GGACT: variants seen among roughly 807,000 people sequenced by gnomAD.
GGACT encodes the protein gamma-glutamylaminecyclotransferase.
For synonymous variants in GGACT, 118 were observed against 115.3 expected (o/e 1.02, Z -0.15); for missense variants, 241 against 233.2 (o/e 1.03, Z -0.22).
At chr13:100,550,158 G>A (rs1032042493) in intron 2 of GGACT, among the ~76,000 whole-genome samples, 2 of 152,154 alleles carry the variant, frequency 1.3e-5, no homozygotes, top group Non-Finnish European at 2.9e-5. Flanking sequence ...GAACGTGAAC[G>A]CACGGCCGGC....
chr13:100,550,618 A>ATACT (rs995377305), intron 2 of GGACT, among the ~76,000 whole-genome samples: 7 of 152,202 alleles, frequency 4.6e-5, no homozygotes, highest in African/African-American at 1.7e-4. Flanking sequence ...ATTTGGGTAT[A>ATACT]TACTTGGCTT....
At chr13:100,540,125 G>A (rs1260538673) in intron 2 of GGACT, 7 of 1,586,534 alleles carry the variant, frequency 4.4e-6, no homozygotes, top group Middle Eastern at 3.5e-4. Context: ...ACTATGTTTC[G>A]AATGACGAAT....
intron 2 of GGACT, among the ~76,000 whole-genome samples, chr13:100,569,458 G>C (rs1875013424): frequency 6.6e-6 from 1 of 152,220 alleles, no homozygotes; most frequent in African/African-American, 2.4e-5. Flanking sequence ...GACCCTTTTA[G>C]CCACAGCTGG....
At chr13:100,580,533 T>C (rs546226953) in intron 2 of GGACT, among the ~76,000 whole-genome samples, 2 of 152,360 alleles carry the variant, frequency 1.3e-5, no homozygotes, top group East Asian at 1.9e-4. Context: ...TTTTGGATTC[T>C]GTGAGCAGAG....
rs186773308 is a variant in GGACT, at chr13:100,570,821, G to C, written c.-11+13004C>G. On this transcript the variant is annotated intron_variant, in intron 2 of 2. Coordinates refer to ENST00000683975, the MANE Select transcript of GGACT (RefSeq NM_001195087.2). ...TAATACAGTAAATTTGTACCACAGA[G>C]ACTGGGGTGCTGCTATAAGGATACC... 1.8e-4 allele frequency among the ~76,000 whole-genome samples: 27 copies of C among 152,242 alleles called. No individual in the cohort carries two copies. In the East Asian group the frequency reaches 5.0e-3, roughly 28 times the overall value.
chr13:100,552,394 A>AC (rs538924773), intron 2 of GGACT, among the ~76,000 whole-genome samples: 8 of 152,080 alleles, frequency 5.3e-5, no homozygotes, highest in Non-Finnish European at 1.0e-4. Flanking sequence ...TCTACACGCC[A>AC]CCCCCCAACA....
intron 2 of GGACT, among the ~76,000 whole-genome samples, chr13:100,579,670 G>A (rs760951598): frequency 4.6e-5 from 7 of 152,056 alleles, no homozygotes; most frequent in Non-Finnish European, 1.0e-4. Context: ...TTCCCTACTC[G>A]GTCTATTTCC....
intron 2 of GGACT, among the ~76,000 whole-genome samples, chr13:100,580,755 T>C (rs1168259108): frequency 6.6e-6 from 1 of 152,090 alleles, no homozygotes; most frequent in African/African-American, 2.4e-5. Flanking sequence ...GATCTGACTG[T>C]TAAGATGTTC....
At chr13:100,552,507 T>C (rs1350304800) in intron 2 of GGACT, among the ~76,000 whole-genome samples, 3 of 152,188 alleles carry the variant, frequency 2.0e-5, no homozygotes, top group African/African-American at 7.2e-5. Flanking sequence ...TTCTGAGATG[T>C]CAAGACGGTG....
chr13:100,532,616 G>T lies in GGACT; in HGVS notation c.-10-15C>A. The T allele has an allele frequency of 6.6e-7, 1 of 1,513,576 alleles. No individual in the cohort carries two copies. The highest frequency in any genetic ancestry group is 8.9e-7 in the Non-Finnish European group (1 of 1,123,700). 93.8% of individuals were successfully genotyped at this position (1,513,576 alleles called of 1,614,324 possible). ...TCCGGGCAGAGCTGCAGGGAGAGGG[G>T]AAGTCACAGGTCAGCCCGCAGTGGG... is the stretch of plus-strand genomic sequence containing the variant. On this transcript the variant is annotated splice_polypyrimidine_tract_variant and intron_variant, in intron 2 of 2. Coordinates refer to ENST00000683975, the MANE Select transcript of GGACT (RefSeq NM_001195087.2).
chr13:100,552,802 G>A (rs911506680), intron 2 of GGACT, among the ~76,000 whole-genome samples: 4 of 152,136 alleles, frequency 2.6e-5, no homozygotes, highest in East Asian at 3.9e-4. Flanking sequence ...GTCCTTGTTC[G>A]TAAAAAGCTG....
chr13:100,587,747 C>T (rs1875622896), intron 1 of GGACT, among the ~76,000 whole-genome samples: 1 of 152,176 alleles, frequency 6.6e-6, no homozygotes, highest in Non-Finnish European at 1.5e-5. Flanking sequence ...GGCCACAAAT[C>T]CCGGGTGCAG....
At chr13:100,570,345 A>T (rs1268162771) in intron 2 of GGACT, among the ~76,000 whole-genome samples, 1 of 152,156 alleles carries the variant, frequency 6.6e-6, no homozygotes, top group Non-Finnish European at 1.5e-5. Flanking sequence ...GAATCTTATA[A>T]TCATGGCGGA....
chr13:100,558,966 G>A (rs779774241), intron 2 of GGACT, among the ~76,000 whole-genome samples: 1 of 152,168 alleles, frequency 6.6e-6, no homozygotes, highest in Non-Finnish European at 1.5e-5. Context: ...GCCTGGAATT[G>A]GGGTGTAGGG....
chr13:100,530,368 AT>A lies in GGACT; in HGVS notation c.*1761del. ...ATTGATATAAATACTTGTACATATGATTTGTACTTCTGCTGTGAGATTCCCT... is the reference window on the plus strand; with the variant it reads ...ATTGATATAAATACTTGTACATATGATTGTACTTCTGCTGTGAGATTCCCT... On this transcript the variant is annotated 3_prime_UTR_variant, in exon 3 of 3. Coordinates refer to ENST00000683975, the MANE Select transcript of GGACT (RefSeq NM_001195087.2). 1.6e-6 allele frequency: 1 copy of A among 624,862 alleles called. No homozygotes were observed. Among genetic ancestry groups the A allele is most frequent in the Non-Finnish European group, 2.9e-6 (1 of 347,284 alleles). 38.7% of individuals were successfully genotyped at this position (624,862 alleles called of 1,614,324 possible). A position where few individuals can be genotyped will look rare whatever the true frequency, so the allele number is the denominator to read the frequency against.
rs543978323 is a variant in GGACT, at chr13:100,582,923, G to A, written c.-11+902C>T. 7.2e-5 allele frequency among the ~76,000 whole-genome samples: 11 copies of A among 152,216 alleles called. No individual in the cohort carries two copies. The East Asian group carries it at 1.9e-3, about 27-fold the overall frequency. ...TTAACATGATACCCTCCAGTGTTCAGAATAGCTTAATAAATAGCTGCTGAA... is the reference window on the plus strand; with the variant it reads ...TTAACATGATACCCTCCAGTGTTCAAAATAGCTTAATAAATAGCTGCTGAA... On this transcript the variant is annotated intron_variant, in intron 2 of 2. Transcript: ENST00000683975.
intron 2 of GGACT, among the ~76,000 whole-genome samples, chr13:100,574,809 T>TA (rs1180305762): frequency 6.6e-6 from 1 of 151,746 alleles, no homozygotes; most frequent in South Asian, 2.1e-4. Flanking sequence ...GCTGAACTAA[T>TA]AAAAAGAAAT....
chr13:100,572,673 C>T (rs907728373), intron 2 of GGACT, among the ~76,000 whole-genome samples: 1 of 152,162 alleles, frequency 6.6e-6, no homozygotes, highest in Non-Finnish European at 1.5e-5. Context: ...CTCAAGGTAT[C>T]CTCCTGCCTC....
At chr13:100,574,082 C>T (rs1049748179) in intron 2 of GGACT, among the ~76,000 whole-genome samples, 3 of 152,166 alleles carry the variant, frequency 2.0e-5, no homozygotes, top group Non-Finnish European at 2.9e-5. Flanking sequence ...GACACATGCA[C>T]TCATATGTTC....
Sources: gnomAD v4.1 joint callset for allele counts (sites outside exome capture counted in the v4.1 genomes callset) on GRCh38, gnomAD v4.1.1 for gene constraint, MANE v1.5 for transcripts, NCBI Gene and HGNC (gene_info 2026-07-23, HGNC 2026-07-21) for gene names.